Variants in CTNNA2 observed in about 807,000 individuals in gnomAD.
CTNNA2 encodes catenin alpha-2.
CTNNA2 carries 42 observed loss-of-function variants against 101.0 expected under a neutral mutation model. That is an observed-to-expected ratio of 0.42 (90% confidence interval 0.32 to 0.54). CTNNA2 has a LOEUF of 0.54. CTNNA2 is among the 20% of genes least tolerant of loss of function. CTNNA2 has a pLI of 0.14. For missense variants in CTNNA2, 871 were observed against 1,223.1 expected, an observed-to-expected ratio of 0.71 and a Z score of 4.29; for synonymous variants, 450 against 456.4, an observed-to-expected ratio of 0.99 and a Z score of 0.18.
At chr2:80,093,486 G>A (rs1699926211) in intron 7 of CTNNA2, among the ~76,000 whole-genome samples, 1 of 152,114 alleles carries the variant, frequency 6.6e-6, no homozygotes. Flanking sequence ...TGTCTTTATA[G>A]CAGTATGATT....
At chr2:80,143,367 A>G (rs1703133263) in intron 7 of CTNNA2, among the ~76,000 whole-genome samples, 1 of 152,214 alleles carries the variant, frequency 6.6e-6, no homozygotes. Flanking sequence ...ACATTCATAC[A>G]TTGTGGGATG....
chr2:79,373,292 T>C (rs1677913204), intron 3 of CTNNA2, among the ~76,000 whole-genome samples: 1 of 152,196 alleles, frequency 6.6e-6, no homozygotes, highest in Admixed American at 6.5e-5. Context: ...ATTGGCTCTA[T>C]GCAATGTGCA....
At chr2:79,673,189 C>A (rs1682961835) in intron 2 of CTNNA2, among the ~76,000 whole-genome samples, 1 of 151,972 alleles carries the variant, frequency 6.6e-6, no homozygotes, top group South Asian at 2.1e-4. Flanking sequence ...TGCTCTATTA[C>A]AAAATTTTGT....
Position 80,648,012 on chromosome 2 carries a change from AAGATG to A in CTNNA2, c.*150_*154del. ...AAGGGAACAGTGTCTGTTTGCATGTAAGATGAGATGAGATCAATACTACTGATCCA... is the reference window on the plus strand; with the variant it reads ...AAGGGAACAGTGTCTGTTTGCATGTAAGATGAGATCAATACTACTGATCCA... On this transcript the variant is annotated 3_prime_UTR_variant, in exon 19 of 19. Transcript: ENST00000402739. 2 of 759,644 alleles carry A rather than the reference AAGATG, an allele frequency of 2.6e-6. No individual in the cohort carries two copies. The highest frequency in any genetic ancestry group is 1.9e-5 in the South Asian group (1 of 51,408). The allele number at this position is 759,644 out of a possible 1,614,324, so 47.1% of individuals were successfully genotyped here.
At chr2:79,199,143 C>G (rs917073743) in intron 2 of CTNNA2, among the ~76,000 whole-genome samples, 3 of 152,162 alleles carry the variant, frequency 2.0e-5, no homozygotes, top group African/African-American at 7.2e-5. Flanking sequence ...AATCAGATAA[C>G]CAGGAACGGA....
chr2:79,760,110 T>C (rs189034499), intron 3 of CTNNA2, among the ~76,000 whole-genome samples: 2 of 152,308 alleles, frequency 1.3e-5, no homozygotes, highest in Admixed American at 1.3e-4. Context: ...TAATGTCTCA[T>C]AGGCCTCAGT....
At chr2:80,338,235 C>T (rs566151512) in intron 7 of CTNNA2, among the ~76,000 whole-genome samples, 8 of 151,922 alleles carry the variant, frequency 5.3e-5, no homozygotes, top group South Asian at 2.1e-4. Flanking sequence ...GTGATCTTCC[C>T]GCCTTGGCTT....
At chr2:80,460,674 TCACACACATG>T (rs1474541046) in intron 9 of CTNNA2, among the ~76,000 whole-genome samples, 1 of 152,034 alleles carries the variant, frequency 6.6e-6, no homozygotes, top group African/African-American at 2.4e-5. Flanking sequence ...ACACACACAG[TCACACACATG>T]CACACAATTT....
chr2:80,337,819 T>C (rs558713814), intron 7 of CTNNA2, among the ~76,000 whole-genome samples: 1 of 152,204 alleles, frequency 6.6e-6, no homozygotes, highest in African/African-American at 2.4e-5. Flanking sequence ...AGACAAGTCA[T>C]AGGAGGACTT....
chr2:79,285,948 T>C (rs930156319), intron 2 of CTNNA2, among the ~76,000 whole-genome samples: 4 of 148,060 alleles, frequency 2.7e-5, no homozygotes, highest in African/African-American at 1.1e-4. Context: ...CTGTATTGGG[T>C]GCATATATAT....
At chr2:80,639,637 C>A (rs910570692) in intron 18 of CTNNA2, among the ~76,000 whole-genome samples, 2 of 152,028 alleles carry the variant, frequency 1.3e-5, no homozygotes, top group African/African-American at 4.8e-5. Context: ...TTTTTATCAC[C>A]TGATTTAAAA....
At chr2:79,903,079 A>C in intron 6 of CTNNA2, among the ~76,000 whole-genome samples, 1 of 152,118 alleles carries the variant, frequency 6.6e-6, no homozygotes, top group East Asian at 1.9e-4. Flanking sequence ...ATAAAACTTT[A>C]TTTGCAAAGT....
chr2:79,191,048 A>G (rs754404016), intron 1 of CTNNA2, among the ~76,000 whole-genome samples: 1 of 152,192 alleles, frequency 6.6e-6, no homozygotes, highest in Non-Finnish European at 1.5e-5. Flanking sequence ...GCCTGCCAAC[A>G]TGACTGCCTG....
chr2:79,711,249 G>A (rs1372225331), intron 2 of CTNNA2, among the ~76,000 whole-genome samples: 1 of 152,190 alleles, frequency 6.6e-6, no homozygotes, highest in East Asian at 1.9e-4. Context: ...AGAATGGGAT[G>A]AAGATAAAGT....
chr2:79,683,016 G>A (rs541769820), intron 2 of CTNNA2, among the ~76,000 whole-genome samples: 1 of 152,226 alleles, frequency 6.6e-6, no homozygotes, highest in African/African-American at 2.4e-5. Context: ...GTCTATACAT[G>A]CAGGTTGGTG....
intron 2 of CTNNA2, among the ~76,000 whole-genome samples, chr2:79,211,809 G>A (rs570021303): frequency 1.3e-5 from 2 of 152,166 alleles, no homozygotes; most frequent in African/African-American, 4.8e-5. Flanking sequence ...GTGGTTAAGT[G>A]TTGGGATGGC....
chr2:79,290,202 C>T (rs1472739050), intron 2 of CTNNA2, among the ~76,000 whole-genome samples: 2 of 152,302 alleles, frequency 1.3e-5, no homozygotes, highest in East Asian at 3.9e-4. Context: ...GTTTAACATT[C>T]ATTGGACTGG....
chr2:80,487,805 C>G lies in CTNNA2; in HGVS notation c.1291-57177C>G, dbSNP rs546163430. On this transcript the variant is annotated intron_variant, in intron 9 of 18. Coordinates refer to ENST00000402739, the MANE Select transcript of CTNNA2 (RefSeq NM_001282597.3). ...TTGTATGATTTAATCTTCACTATGA[C>G]CTGTGTCTCTTAGACGCCAAACTAA... is the stretch of plus-strand genomic sequence containing the variant. Among the ~76,000 whole-genome samples the G allele has an allele frequency of 7.9e-5, 12 of 152,306 alleles. 1 individual carries two copies. The South Asian group carries it at 1.7e-3, about 21-fold the overall frequency.
chr2:79,391,968 C>T (rs1487944219), intron 4 of CTNNA2, among the ~76,000 whole-genome samples: 1 of 152,156 alleles, frequency 6.6e-6, no homozygotes, highest in African/African-American at 2.4e-5. Context: ...GCGCTCACTT[C>T]CCTGGTGTCT....
Sources: gnomAD v4.1 joint callset for allele counts (sites outside exome capture counted in the v4.1 genomes callset) on GRCh38, gnomAD v4.1.1 for gene constraint, MANE v1.5 for transcripts, NCBI Gene and HGNC (gene_info 2026-07-23, HGNC 2026-07-21) for gene names.